The following EML4 variants were observed in gnomAD, a reference collection of about 807,000 sequenced individuals.
EML4 encodes the protein EMAP like 4, also known as echinoderm microtubule-associated protein-like 4.
A neutral mutation model predicts 129.0 loss-of-function variants in EML4; 72 were observed. The ratio of observed to expected loss-of-function variants is 0.56; its 90% CI spans 0.46 to 0.68. The LOEUF (loss-of-function observed/expected upper bound fraction) is 0.68, where lower values mean the gene tolerates loss of function less well. Ranked by LOEUF, EML4 falls within the 30% of genes least tolerant of loss-of-function variation. The pLI, the probability that EML4 is intolerant of heterozygous loss-of-function variation, is 0.00. For missense variants in EML4, 1,363 were observed against 1,190.6 expected, an observed-to-expected ratio of 1.14 and a Z score of -2.13; for synonymous variants, 532 against 405.0, an observed-to-expected ratio of 1.31 and a Z score of -3.77.
chr2:42,216,816 A>C (rs1453242462), intron 1 of EML4, among the ~76,000 whole-genome samples: 1 of 152,206 alleles, frequency 6.6e-6, no homozygotes, highest in East Asian at 1.9e-4. Flanking sequence ...ATTGAACCAA[A>C]TTAAATACTG....
chr2:42,314,953 T>C (rs1339440819), intron 17 of EML4, among the ~76,000 whole-genome samples: 1 of 152,220 alleles, frequency 6.6e-6, no homozygotes, highest in Non-Finnish European at 1.5e-5. Context: ...CATTTTGACT[T>C]TTCCTATAAA....
At chr2:42,307,070 A>G (rs1464222871) in intron 17 of EML4, among the ~76,000 whole-genome samples, 1 of 152,244 alleles carries the variant, frequency 6.6e-6, no homozygotes, top group Non-Finnish European at 1.5e-5. Flanking sequence ...TATACAAGGG[A>G]GTTAAACACT....
chr2:42,298,739 G>GT (rs1414341322), intron 13 of EML4, among the ~76,000 whole-genome samples: 2 of 151,874 alleles, frequency 1.3e-5, no homozygotes, highest in East Asian at 3.9e-4. Context: ...GATTTTAAGT[G>GT]TTTAACAAGG....
At chr2:42,226,368 A>G (rs1266281138) in intron 1 of EML4, among the ~76,000 whole-genome samples, 2 of 152,102 alleles carry the variant, frequency 1.3e-5, no homozygotes, top group East Asian at 1.9e-4. Flanking sequence ...TAATAAAAAA[A>G]TAAATTATGG....
chr2:42,210,765 A>G (rs12053130), intron 1 of EML4, among the ~76,000 whole-genome samples: 51,243 of 151,936 alleles, frequency 0.34, 9,098 homozygotes, highest in East Asian at 0.56. Context: ...GTTGGCTCCT[A>G]TGTTCCTTTG....
intron 1 of EML4, among the ~76,000 whole-genome samples, chr2:42,204,299 G>T (rs1350734994): frequency 2.0e-5 from 3 of 152,162 alleles, no homozygotes; most frequent in Non-Finnish European, 4.4e-5. Context: ...AGCAGTTAGT[G>T]GCAAAGACAG....
intron 1 of EML4, among the ~76,000 whole-genome samples, chr2:42,191,556 A>G (rs1671581548): frequency 6.6e-6 from 1 of 152,202 alleles, no homozygotes; most frequent in African/African-American, 2.4e-5. Flanking sequence ...GAGAGTGGAT[A>G]GTTTCTCAAA....
Position 42,284,654 on chromosome 2 carries a change from A to G in EML4, c.962A>G (p.Lys321Arg), listed in dbSNP as rs1328844844. 1.2e-6 allele frequency: 2 copies of G among 1,612,858 alleles called. No individual in the cohort carries two copies. Among genetic ancestry groups the G allele is most frequent in the Non-Finnish European group, 1.7e-6 (2 of 1,179,420 alleles). Residue 321 changes from lysine to arginine, a missense_variant, in exon 9 of 23, where the codon AAA (lysine) becomes AGA (arginine). Transcript: ENST00000318522. ...CVKCLAIHPD[K>R]IRIATGQIAG... ...TTTAGCCTTGCTATACATCCTGACA[A>G]AATTAGGATTGCAACTGGACAGATA...
At chr2:42,251,214 C>G (rs972903090) in intron 2 of EML4, among the ~76,000 whole-genome samples, 1 of 152,170 alleles carries the variant, frequency 6.6e-6, no homozygotes, top group African/African-American at 2.4e-5. Flanking sequence ...GTTACATAGG[C>G]AGTTGTAACA....
At chr2:42,223,657 G>C (rs1365267425) in intron 1 of EML4, among the ~76,000 whole-genome samples, 1 of 152,166 alleles carries the variant, frequency 6.6e-6, no homozygotes, top group East Asian at 1.9e-4. Context: ...GCTTAGCCCA[G>C]ATCTCTAATG....
At chr2:42,226,656 C>CAAAAT (rs377423351) in intron 1 of EML4, among the ~76,000 whole-genome samples, 14,048 of 149,962 alleles carry the variant, frequency 0.094, 897 homozygotes, top group Non-Finnish European at 0.14. Flanking sequence ...GACTCTGTCT[C>CAAAAT]AAAATAAAAT....
At chr2:42,291,559 A>G (rs1333817411) in intron 11 of EML4, among the ~76,000 whole-genome samples, 2 of 151,962 alleles carry the variant, frequency 1.3e-5, no homozygotes, top group African/African-American at 4.8e-5. Flanking sequence ...GTGTGCCACC[A>G]TGCCCAGCTA....
At chr2:42,269,545 A>G (rs762357888) in intron 6 of EML4, among the ~76,000 whole-genome samples, 7 of 152,190 alleles carry the variant, frequency 4.6e-5, no homozygotes, top group Non-Finnish European at 5.9e-5. Flanking sequence ...CAGGAAGGTG[A>G]TATATATGAG....
intron 18 of EML4, among the ~76,000 whole-genome samples, chr2:42,317,220 A>G (rs1669290001): frequency 6.6e-6 from 1 of 152,212 alleles, no homozygotes; most frequent in African/African-American, 2.4e-5. Flanking sequence ...CCTAGAGTCC[A>G]AGGCCTGTAA....
intron 19 of EML4, among the ~76,000 whole-genome samples, chr2:42,323,805 G>A (rs1278479816): frequency 2.7e-5 from 4 of 150,824 alleles, no homozygotes; most frequent in East Asian, 1.9e-4. Flanking sequence ...TTAGCGGGGC[G>A]TGGTGATGCG....
intron 19 of EML4, 32 bp downstream of exon 19, chr2:42,317,556 T>C (rs1445628654): frequency 1.3e-6 from 2 of 1,494,662 alleles, no homozygotes; most frequent in African/African-American, 1.4e-5. Context: ...GTTGTAAAAT[T>C]ATTGGGAAAT....
intron 1 of EML4, among the ~76,000 whole-genome samples, chr2:42,239,006 C>G (rs745655424): frequency 1.1e-3 from 160 of 152,272 alleles, no homozygotes; most frequent in Admixed American, 3.5e-3. Context: ...TCGGCTCACG[C>G]AATCATCCTG....
intron 1 of EML4, among the ~76,000 whole-genome samples, chr2:42,205,691 G>A (rs566640609): frequency 4.6e-5 from 7 of 152,298 alleles, no homozygotes; most frequent in African/African-American, 1.7e-4. Context: ...GACAGAAATG[G>A]ATAAATTGTT....
chr2:42,313,295 C>T (rs1669063653), intron 17 of EML4, among the ~76,000 whole-genome samples: 1 of 152,172 alleles, frequency 6.6e-6, no homozygotes, highest in Non-Finnish European at 1.5e-5. Context: ...ATTGATGTCT[C>T]ATATCACCCT....
Sources: gnomAD v4.1 joint callset for allele counts (sites outside exome capture counted in the v4.1 genomes callset) on GRCh38, gnomAD v4.1.1 for gene constraint, MANE v1.5 for transcripts, NCBI Gene and HGNC (gene_info 2026-07-23, HGNC 2026-07-21) for gene names.